The following BOP1 variants were observed in gnomAD, a reference collection of about 807,000 sequenced individuals.
BOP1 encodes ribosome biogenesis protein BOP1.
A neutral mutation model predicts 82.9 loss-of-function variants in BOP1; 54 were observed. The observed-to-expected ratio is 0.65, with a 90% CI of 0.52 to 0.82. BOP1 has a LOEUF of 0.82. Ranked by LOEUF, BOP1 falls within the 40% of genes least tolerant of loss-of-function variation. BOP1 has a pLI of 0.00. For synonymous variants in BOP1, 566 were observed against 451.1 expected, an observed-to-expected ratio of 1.25 and a Z score of -3.23; for missense variants, 1,170 against 1,072.0, an observed-to-expected ratio of 1.09 and a Z score of -1.28.
At chr8:144,277,841 G>A (rs1554838473) in intron 2 of BOP1, among the ~76,000 whole-genome samples, 1 of 152,272 alleles carries the variant, frequency 6.6e-6, no homozygotes, top group Non-Finnish European at 1.5e-5. Flanking sequence ...GCCACTGCTG[G>A]GAACTGCCTG....
At position 144,289,088 on chromosome 8, in the gene BOP1, C is replaced by A; in HGVS notation, c.309+7G>T. 3 of 1,614,064 alleles carry A rather than the reference C, an allele frequency of 1.9e-6. No individual in the cohort carries two copies. Among genetic ancestry groups the A allele is most frequent in the Non-Finnish European group, 2.5e-6 (3 of 1,180,006 alleles). On this transcript the variant is annotated splice_region_variant and intron_variant, in intron 2 of 15. Transcript: ENST00000569669. ...ACAGCCCTCGAGGGGGCTCCTCGCT[C>A]ACCCACCTGCACCTGCTCCTCAGTG...
Position 144,263,754 on chromosome 8 carries a change from C to T in BOP1, c.1229G>A (p.Arg410Lys), listed in dbSNP as rs968372605. Reference sequence around the variant, plus strand: ...GCACCGGACAAGGTCACTGTGGCCCCTGTAGACCTGAGGAGGCGGCGGCAG... The same window carrying T: ...GCACCGGACAAGGTCACTGTGGCCCTTGTAGACCTGAGGAGGCGGCGGCAG... ...PFPTCQALVY[R>K]GHSDLVRCLS... is the part of the protein sequence containing the mutation. The change falls in exon 10 of 16, where the codon AGG (arginine) becomes AAG (lysine). Residue 410 changes from arginine to lysine, a missense_variant. Physicochemically the swap from Arg to Lys is conservative, Grantham distance 26. Transcript: ENST00000569669. 7.0e-5 allele frequency: 110 copies of T among 1,582,138 alleles called. No individual in the cohort carries two copies. Among genetic ancestry groups the T allele is most frequent in the Non-Finnish European group, 9.4e-5 (110 of 1,166,358 alleles).
chr8:144,262,664 C>T lies in BOP1; in HGVS notation c.1903G>A (p.Val635Ile), dbSNP rs1250384349. The stretch of plus-strand genomic sequence containing the variant: ...TTGCTATCGTAGCTCCCACAGATGA[C>T]GTTGTCACCTAGGGCCAAAGGCTGT... ...SLAVHPAGDNVICGSYDSKLV... is the reference protein window; with the variant it reads ...SLAVHPAGDNIICGSYDSKLV... The change falls in exon 14 of 16, where the codon GTC (valine) becomes ATC (isoleucine). Residue 635 changes from valine (V) to isoleucine (I), a missense_variant. Physicochemically the swap from Val to Ile is conservative, Grantham distance 29. Transcript: ENST00000569669. 18 of 1,613,236 alleles carry T rather than the reference C, an allele frequency of 1.1e-5. No homozygotes were observed. The highest frequency in any genetic ancestry group is 2.2e-5 in the East Asian group (1 of 44,876).
intron 3 of BOP1, among the ~76,000 whole-genome samples, chr8:144,275,406 C>T (rs1295066625): frequency 2.0e-5 from 3 of 152,110 alleles, no homozygotes; most frequent in Non-Finnish European, 2.9e-5. Flanking sequence ...TGCTCTTGGA[C>T]ACAGCCCAGT....
At chr8:144,263,633 T>C in intron 10 of BOP1, 23 bp from the exon 11 acceptor site, 1 of 1,608,118 alleles carries the variant, frequency 6.2e-7, no homozygotes, top group East Asian at 2.2e-5. Flanking sequence ...GAGACAGCTC[T>C]CAACACCTGG....
In BOP1 at chr8:144,291,357, C is replaced by T. The variant is rs1554840205; in HGVS notation, c.14G>A (p.Arg5Gln). 1.3e-5 allele frequency: 18 copies of T among 1,352,732 alleles called. No individual in the cohort carries two copies. In the South Asian group the frequency reaches 1.8e-4, roughly 13 times the overall value. 83.8% of individuals were successfully genotyped at this position (1,352,732 alleles called of 1,614,324 possible). The change falls in exon 1 of 16, where the codon CGG (arginine) becomes CAG (glutamine). Residue 5 changes from arginine (R) to glutamine (Q), a missense_variant. Physicochemically the swap from Arg to Gln is conservative, Grantham distance 43. Coordinates refer to ENST00000569669, the MANE Select transcript of BOP1 (RefSeq NM_015201.5). This position sits in a 1 kb window ranked among gnomAD's most constrained non-coding sequence, Gnocchi z 4.1. MAGS[R>Q]GAGRTAAPSV... ...CGGCGCCGCCGTGCGCCCCGCACCC[C>T]GCGAACCCGCCATGCCCCACCGCGC...
chr8:144,271,156 C>G (rs1845485942), intron 3 of BOP1, among the ~76,000 whole-genome samples: 2 of 152,100 alleles, frequency 1.3e-5, no homozygotes, highest in African/African-American at 4.8e-5. Context: ...AAGGACAGGC[C>G]CCCAGCCCAG....
chr8:144,268,805 GGAGGCAGCGGCAGGGACA>G (rs1845440675), intron 3 of BOP1, among the ~76,000 whole-genome samples: 2 of 150,358 alleles, frequency 1.3e-5, no homozygotes, highest in South Asian at 4.2e-4. Context: ...GCAGGGACAG[GGAGGCAGCGGCAGGGACA>G]GAGGCAGCAG....
At chr8:144,282,315 G>C (rs1173323376) in intron 2 of BOP1, among the ~76,000 whole-genome samples, 1 of 152,236 alleles carries the variant, frequency 6.6e-6, no homozygotes, top group African/African-American at 2.4e-5. Flanking sequence ...AGCTGGAAGG[G>C]CAGGGGCTGC....
intron 2 of BOP1, among the ~76,000 whole-genome samples, chr8:144,288,706 C>A (rs1198716890): frequency 6.6e-6 from 1 of 152,116 alleles, no homozygotes; most frequent in Non-Finnish European, 1.5e-5. Context: ...GGGTCAGGCC[C>A]AGCTGGGTTC....
Position 144,263,531 on chromosome 8 carries a change from C to T in BOP1, c.1371G>A (p.Val457=). 6.3e-7 allele frequency: 1 copy of T among 1,599,986 alleles called. No individual in the cohort carries two copies. The part of the protein sequence containing the change: ...CVRTVPVGGV[V]KSVAWNPSPA... ...GGCTGGGGTTCCAGGCCACACTCTT[C>T]ACCACGCCCCCCACGGGAACAGTCC... The change falls in exon 11 of 16, where the codon GTG becomes GTA. Residue 457 remains valine, a synonymous_variant. Coordinates refer to ENST00000569669, the MANE Select transcript of BOP1 (RefSeq NM_015201.5).
Position 144,264,779 on chromosome 8 carries a change from G to T in BOP1, c.598C>A (p.Gln200Lys). 6.2e-7 allele frequency: 1 copy of T among 1,607,550 alleles called. No homozygotes were observed. The highest frequency in any genetic ancestry group is 8.5e-7 in the Non-Finnish European group (1 of 1,178,250). ...TGCAGCCGCCGCACCAGGGCCACCT[G>T]CTCATCCGTCAGTCTCAGGTCCCGC... Reference protein sequence around the residue: ...TGRDLRLTDEQVALVRRLQSG... With the variant: ...TGRDLRLTDEKVALVRRLQSG... Residue 200 changes from glutamine to lysine, a missense_variant, in exon 5 of 16, where the codon CAG becomes AAG. Physicochemically the swap from Gln to Lys is moderately conservative, Grantham distance 53 (BLOSUM62 1). Transcript: ENST00000569669.
Position 144,291,308 on chromosome 8 carries a change from C to T in BOP1, c.63G>A (p.Arg21=). ...GCTCAGGCTCCAGTTCGGGCTCAGACCGCCGCTTCTCCGGCCGCACGCTCG... is the reference window on the plus strand; with the variant it reads ...GCTCAGGCTCCAGTTCGGGCTCAGATCGCCGCTTCTCCGGCCGCACGCTCG... ...AAPSVRPEKR[R]SEPELEPEPE... is the part of the protein sequence containing the mutation. Residue 21 remains arginine (R), a synonymous_variant, in exon 1 of 16, where the codon CGG becomes CGA. Coordinates refer to ENST00000569669, the MANE Select transcript of BOP1 (RefSeq NM_015201.5). The surrounding 1 kb of genome is among the most constrained non-coding windows in gnomAD (Gnocchi z 4.1). 1.4e-6 allele frequency: 2 copies of T among 1,446,752 alleles called. No homozygotes were observed. The highest frequency in any genetic ancestry group is 1.8e-6 in the Non-Finnish European group (2 of 1,099,706). 89.6% of individuals were successfully genotyped at this position (1,446,752 alleles called of 1,614,324 possible).
chr8:144,268,152 G>A (rs898673781), intron 3 of BOP1: 30 of 1,550,892 alleles, frequency 1.9e-5, no homozygotes, highest in East Asian at 9.7e-5. Flanking sequence ...GGAGGTGGCC[G>A]GCAGCAGCCA....
chr8:144,289,398 C>T, intron 1 of BOP1, 94 bp from the exon 2 acceptor site: 1 of 1,346,620 alleles, frequency 7.4e-7, no homozygotes, highest in South Asian at 1.3e-5. Flanking sequence ...TCCAGCCACC[C>T]ACCAGCAGCT....
chr8:144,288,580 T>C (rs1554839725), intron 2 of BOP1, among the ~76,000 whole-genome samples: 1 of 152,188 alleles, frequency 6.6e-6, no homozygotes, highest in African/African-American at 2.4e-5. Flanking sequence ...AGTTAAATTA[T>C]GCTTTTCTCC....
intron 3 of BOP1, 41 bp downstream of exon 3, chr8:144,276,183 G>A (rs1388679897): frequency 1.9e-6 from 3 of 1,607,228 alleles, no homozygotes; most frequent in Non-Finnish European, 2.6e-6. Flanking sequence ...TGTGATGGAA[G>A]CCGCCCCACC....
rs1170011655 is a variant in BOP1, at chr8:144,263,070, G to A, written c.1677C>T (p.Thr559=). Residue 559 remains threonine, a synonymous_variant, in exon 13 of 16, where the codon ACC becomes ACT. Coordinates refer to ENST00000569669, the MANE Select transcript of BOP1 (RefSeq NM_015201.5). ...GGCTCAGCTGGTGAATCAGCACCTGGGTGTGGCCTTGGGTGGCCAGCACCA... is the reference window on the plus strand; with the variant it reads ...GGCTCAGCTGGTGAATCAGCACCTGAGTGTGGCCTTGGGTGGCCAGCACCA... ...LAVVLATQGH[T]QVLIHQLSRR... 1 of 1,588,400 alleles carries A rather than the reference G, an allele frequency of 6.3e-7. No individual in the cohort carries two copies. Among genetic ancestry groups the A allele is most frequent in the East Asian group, 2.3e-5 (1 of 44,386 alleles).
chr8:144,262,602 T>C lies in BOP1; in HGVS notation c.1965A>G (p.Pro655=). 1.9e-6 allele frequency: 3 copies of C among 1,613,414 alleles called. No individual in the cohort carries two copies. Among genetic ancestry groups the C allele is most frequent in the Non-Finnish European group, 2.5e-6 (3 of 1,179,798 alleles). Residue 655 remains proline, a synonymous_variant, in exon 14 of 16, where the codon CCA becomes CCG. Transcript: ENST00000569669. ...GCTTTCCTCACCTCAGCATCCTGTA[T>C]GGCTTGGTGGAAAGATCCAGGTCAA... ...VWFDLDLSTK[P]YRMLRHHKKA... is the part of the protein sequence containing the mutation.
Sources: allele counts gnomAD v4.1 joint callset (sites outside exome capture counted in the v4.1 genomes callset), GRCh38; gene constraint gnomAD v4.1.1; non-coding constraint Gnocchi (gnomAD v3.1); transcripts MANE v1.5; gene names NCBI Gene and HGNC (gene_info 2026-07-23, HGNC 2026-07-21).